The following ESR1 variants were observed in gnomAD, a reference collection of about 807,000 sequenced individuals.
The protein encoded by ESR1 is estrogen receptor.
In ESR1, 12 loss-of-function variants were observed where a neutral mutation model predicts 52.7. The ratio of observed to expected loss-of-function variants is 0.23; its 90% confidence interval spans 0.15 to 0.37. The LOEUF is 0.37. Ranked by LOEUF, ESR1 falls within the 10% of genes least tolerant of loss-of-function variation. The pLI, the probability that ESR1 is intolerant of heterozygous loss-of-function variation, is 1.00. For missense variants in ESR1, 584 were observed against 779.7 expected, an observed-to-expected ratio of 0.75 and a Z score of 2.99; for synonymous variants, 305 against 316.8, an observed-to-expected ratio of 0.96 and a Z score of 0.39.
At chr6:151,737,637 A>G (rs1323589231) in intron 2 of ESR1, among the ~76,000 whole-genome samples, 1 of 152,178 alleles carries the variant, frequency 6.6e-6, no homozygotes, top group Non-Finnish European at 1.5e-5. Context: ...TGCCTCCCAG[A>G]CATCCATCAG....
chr6:152,082,162 AAG>A (rs1269308524), intron 6 of ESR1, among the ~76,000 whole-genome samples: 2 of 152,242 alleles, frequency 1.3e-5, no homozygotes, highest in Admixed American at 6.5e-5. Flanking sequence ...ACAACAAAAA[AAG>A]AGAATTTTAG....
chr6:152,028,337 A>G (rs1237788416), intron 5 of ESR1, among the ~76,000 whole-genome samples: 1 of 152,212 alleles, frequency 6.6e-6, no homozygotes, highest in African/African-American at 2.4e-5. Context: ...GAGCCGAAGC[A>G]GAGCGAGGCA....
At chr6:152,084,148 C>T (rs1368281303) in intron 6 of ESR1, among the ~76,000 whole-genome samples, 1 of 152,104 alleles carries the variant, frequency 6.6e-6, no homozygotes. Flanking sequence ...TGGAAACCAT[C>T]ATTCTAAGCA....
intron 5 of ESR1, among the ~76,000 whole-genome samples, chr6:152,027,864 G>A (rs1368683730): frequency 6.6e-6 from 1 of 151,890 alleles, no homozygotes; most frequent in Admixed American, 6.6e-5. Context: ...TTGTTTGGGG[G>A]CGGGTGCGGT....
chr6:151,949,277 G>A (rs886290160), intron 4 of ESR1, among the ~76,000 whole-genome samples: 2 of 152,216 alleles, frequency 1.3e-5, no homozygotes, highest in Admixed American at 6.5e-5. Flanking sequence ...ACTTAAAGTG[G>A]GTAGGGATGA....
intron 2 of ESR1, among the ~76,000 whole-genome samples, chr6:151,856,214 A>C (rs899491565): frequency 2.0e-5 from 3 of 152,192 alleles, no homozygotes; most frequent in African/African-American, 7.2e-5. Context: ...GGAGCAATAG[A>C]TAATGTAGGT....
intron 1 of ESR1, among the ~76,000 whole-genome samples, chr6:151,824,257 G>A (rs1180198904): frequency 6.6e-6 from 1 of 152,188 alleles, no homozygotes; most frequent in African/African-American, 2.4e-5. Context: ...TCTGTTGGCT[G>A]CATAAATGTC....
chr6:152,103,024 A>G lies in ESR1; in HGVS notation c.*4058A>G, dbSNP rs2051007268. On this transcript the variant is annotated 3_prime_UTR_variant, in exon 8 of 8. Coordinates refer to ENST00000206249, the MANE Select transcript of ESR1 (RefSeq NM_000125.4). ...AAACAATGCTTTTTGTGCACTACAT[A>G]CTCTTCAGTGTAGAGCTCTTGTTTT... 1 of 222,258 alleles carries G rather than the reference A, an allele frequency of 4.5e-6. No homozygotes were observed. The highest frequency in any genetic ancestry group is 9.0e-6 in the Non-Finnish European group (1 of 111,018). 13.8% of individuals were successfully genotyped at this position (222,258 alleles called of 1,614,324 possible). A position where few individuals can be genotyped will look rare whatever the true frequency, so the allele number is the denominator to read the frequency against.
intron 2 of ESR1, among the ~76,000 whole-genome samples, chr6:151,785,305 G>A (rs1786915927): frequency 6.6e-6 from 1 of 152,162 alleles, no homozygotes. Flanking sequence ...TGGCATCTGG[G>A]TGGAGATATG....
At chr6:151,962,247 T>C (rs900567269) in intron 4 of ESR1, among the ~76,000 whole-genome samples, 2 of 152,156 alleles carry the variant, frequency 1.3e-5, no homozygotes, top group African/African-American at 4.8e-5. Context: ...GCCAGAGACC[T>C]GCTTTCTCTT....
intron 4 of ESR1, among the ~76,000 whole-genome samples, chr6:151,953,928 T>A (rs1351466917): frequency 6.6e-6 from 1 of 151,924 alleles, no homozygotes; most frequent in Non-Finnish European, 1.5e-5. Context: ...AGATTTGCTT[T>A]GTTGTCTTTA....
Position 151,887,509 on chromosome 6 carries a change from C to A in ESR1, c.760+6738C>A, listed in dbSNP as rs150919775. On this transcript the variant is annotated intron_variant, in intron 3 of 7. Transcript: ENST00000206249. ...CTGGTTTCCACAAGCAGAAGCAGAT[C>A]GTCATCTATGAAACAGATAAAAGTT... 3.4e-4 allele frequency among the ~76,000 whole-genome samples: 51 copies of A among 152,120 alleles called. No homozygotes were observed. In the East Asian group the frequency reaches 7.4e-3, roughly 22 times the overall value.
intron 6 of ESR1, among the ~76,000 whole-genome samples, chr6:152,063,414 C>A (rs975359774): frequency 4.6e-5 from 7 of 152,072 alleles, no homozygotes; most frequent in Admixed American, 2.0e-4. Context: ...CTGTACAAAG[C>A]GAAACCACTC....
At chr6:151,885,256 C>T (rs529267396) in intron 3 of ESR1, among the ~76,000 whole-genome samples, 25 of 152,138 alleles carry the variant, frequency 1.6e-4, no homozygotes, top group East Asian at 7.7e-4. Context: ...GCATGGGAAG[C>T]GGCAAATAAA....
At chr6:152,036,816 G>C (rs79548169) in intron 5 of ESR1, among the ~76,000 whole-genome samples, 1 of 152,188 alleles carries the variant, frequency 6.6e-6, no homozygotes, top group Non-Finnish European at 1.5e-5. Context: ...ACTGCTTCAA[G>C]GGCTTCATTA....
downstream of ESR1, among the ~76,000 whole-genome samples, chr6:152,104,629 G>A (rs906303717): frequency 6.6e-6 from 1 of 152,124 alleles, no homozygotes; most frequent in African/African-American, 2.4e-5. Flanking sequence ...TTTGGTCTCT[G>A]GCCCCAGTTT....
At chr6:151,846,417 T>G (rs1471120405) in intron 2 of ESR1, among the ~76,000 whole-genome samples, 1 of 152,224 alleles carries the variant, frequency 6.6e-6, no homozygotes, top group Non-Finnish European at 1.5e-5. Flanking sequence ...CTTGATAACT[T>G]GGAACTAAAA....
At chr6:151,823,219 T>A (rs1780873710) in intron 1 of ESR1, among the ~76,000 whole-genome samples, 1 of 152,230 alleles carries the variant, frequency 6.6e-6, no homozygotes, top group Non-Finnish European at 1.5e-5. Flanking sequence ...ATGGGCTTAA[T>A]TTTTTGAAGG....
intron 2 of ESR1, among the ~76,000 whole-genome samples, chr6:151,792,662 A>ATTG (rs1207270608): frequency 1.3e-5 from 2 of 151,564 alleles, no homozygotes; most frequent in Non-Finnish European, 2.9e-5. Context: ...CTGGTCTTGA[A>ATTG]CTCCTGACTC....
Sources: allele counts gnomAD v4.1 joint callset (sites outside exome capture counted in the v4.1 genomes callset), GRCh38; gene constraint gnomAD v4.1.1; transcripts MANE v1.5; gene names NCBI Gene and HGNC (gene_info 2026-07-23, HGNC 2026-07-21).